IL1RAPL2: variants seen among roughly 807,000 people sequenced by gnomAD.
The protein encoded by IL1RAPL2 is interleukin 1 receptor accessory protein like 2, also known as X-linked interleukin-1 receptor accessory protein-like 2.
A neutral mutation model predicts 44.1 loss-of-function variants in IL1RAPL2; 3 were observed. The ratio of observed to expected loss-of-function variants is 0.07; its 90% CI spans 0.03 to 0.18. The LOEUF is 0.18. IL1RAPL2 is among the 10% of genes least tolerant of loss of function. IL1RAPL2 has a pLI of 1.00. For synonymous variants in IL1RAPL2, 181 were observed against 178.8 expected (o/e 1.01, Z -0.10); for missense variants, 391 against 496.4 (o/e 0.79, Z 2.02).
At chrX:104,637,112 G>A (rs1473974016) in intron 1 of IL1RAPL2, among the ~76,000 whole-genome samples, 1 of 102,177 alleles carries the variant, frequency 9.8e-6, no homozygotes, top group Middle Eastern at 4.5e-3. Context: ...TAACATTTTT[G>A]TTTCTTTCTT....
intron 2 of IL1RAPL2, among the ~76,000 whole-genome samples, chrX:104,873,536 C>T (rs773811138): frequency 9.0e-6 from 1 of 111,671 alleles, no homozygotes; most frequent in Non-Finnish European, 1.9e-5. Flanking sequence ...AGGTTGACTG[C>T]AGCTCTGCTC....
chrX:104,635,776 C>T (rs1269922357), intron 1 of IL1RAPL2, among the ~76,000 whole-genome samples: 1 of 111,336 alleles, frequency 9.0e-6, no homozygotes, highest in South Asian at 3.8e-4. Context: ...AACTTCTTTG[C>T]CATGGGTTCG....
At chrX:105,390,702 T>C (rs1467031210) in intron 5 of IL1RAPL2, among the ~76,000 whole-genome samples, 1 of 110,814 alleles carries the variant, frequency 9.0e-6, no homozygotes, top group Non-Finnish European at 1.9e-5. Context: ...ATAATAGCCA[T>C]TTCCTAGGGC....
Position 104,566,411 on chromosome X carries a change from A to C in IL1RAPL2, c.-660A>C, listed in dbSNP as rs1217880163. The C allele has an allele frequency of 8.9e-6, 1 of 112,801 alleles. No homozygotes were observed. Among genetic ancestry groups the C allele is most frequent in the Non-Finnish European group, 1.9e-5 (1 of 53,373 alleles). 9.3% of individuals were successfully genotyped at this position (112,801 alleles called of 1,213,427 possible). On this transcript the variant is annotated 5_prime_UTR_variant, in exon 1 of 11. Transcript: ENST00000372582. ...GCACACTGGCTGTAGGGTTCCCGGG[A>C]AAGACTGGAGCAGCGAACAGGAGGG...
At chrX:105,457,459 AC>A (rs1464956908) in intron 5 of IL1RAPL2, among the ~76,000 whole-genome samples, 1 of 109,855 alleles carries the variant, frequency 9.1e-6, no homozygotes, top group Non-Finnish European at 1.9e-5. Flanking sequence ...TTGTCTGTGT[AC>A]ATTTGCCTAT....
At chrX:104,746,776 A>T (rs1932182666) in intron 2 of IL1RAPL2, among the ~76,000 whole-genome samples, 2 of 111,628 alleles carry the variant, frequency 1.8e-5, no homozygotes, top group Non-Finnish European at 3.8e-5. Flanking sequence ...TTTCAGGGGA[A>T]GGACAGAGTG....
At chrX:104,912,806 G>A (rs1924286094) in intron 2 of IL1RAPL2, among the ~76,000 whole-genome samples, 1 of 111,794 alleles carries the variant, frequency 8.9e-6, no homozygotes, top group South Asian at 3.7e-4. Flanking sequence ...AGATCACATA[G>A]CAAGGGTGTG....
At chrX:104,597,363 AAG>A (rs1398371538) in intron 1 of IL1RAPL2, among the ~76,000 whole-genome samples, 1 of 105,811 alleles carries the variant, frequency 9.5e-6, no homozygotes, top group Non-Finnish European at 1.9e-5. Flanking sequence ...AAAAAAAAAA[AAG>A]AGAGAGACAT....
chrX:104,774,187 G>A (rs1195283963), intron 2 of IL1RAPL2, among the ~76,000 whole-genome samples: 1 of 111,813 alleles, frequency 8.9e-6, no homozygotes, highest in Non-Finnish European at 1.9e-5. Context: ...ACAATGAAGT[G>A]GGAGATTATT....
intron 4 of IL1RAPL2, among the ~76,000 whole-genome samples, chrX:105,267,081 G>C (rs781573099): frequency 1.2e-3 from 135 of 111,305 alleles, no homozygotes; most frequent in South Asian, 7.2e-3. Flanking sequence ...TTAAGGTTCT[G>C]CTATACCTCT....
chrX:105,610,782 TTGATAA>T (rs2037329875), intron 6 of IL1RAPL2, among the ~76,000 whole-genome samples: 1 of 112,307 alleles, frequency 8.9e-6, no homozygotes, highest in South Asian at 3.7e-4. Flanking sequence ...TATATACTAC[TTGATAA>T]TGATAATAAA....
At chrX:104,651,446 G>T (rs1043654288) in intron 1 of IL1RAPL2, among the ~76,000 whole-genome samples, 1 of 111,803 alleles carries the variant, frequency 8.9e-6, no homozygotes, top group Non-Finnish European at 1.9e-5. Flanking sequence ...GGCAAACAGA[G>T]TTTTTAAAGG....
At chrX:104,620,464 C>T (rs1415593856) in intron 1 of IL1RAPL2, among the ~76,000 whole-genome samples, 1 of 106,349 alleles carries the variant, frequency 9.4e-6, no homozygotes, top group Non-Finnish European at 1.9e-5. Flanking sequence ...ATGGTGAAAA[C>T]CCGTCTCTAC....
At chrX:104,845,356 T>C (rs1922022409) in intron 2 of IL1RAPL2, among the ~76,000 whole-genome samples, 1 of 112,267 alleles carries the variant, frequency 8.9e-6, no homozygotes, top group South Asian at 3.7e-4. Context: ...ATGTCATCAG[T>C]GGTATCAAAC....
chrX:105,665,753 T>TTTTG (rs2037759802), intron 6 of IL1RAPL2, among the ~76,000 whole-genome samples: 1 of 69,307 alleles, frequency 1.4e-5, no homozygotes. Flanking sequence ...TTTTTTTTTT[T>TTTTG]TTGTTGTTGT....
chrX:104,709,347 A>G (rs1931414179), intron 2 of IL1RAPL2, among the ~76,000 whole-genome samples: 1 of 111,414 alleles, frequency 9.0e-6, no homozygotes, highest in Non-Finnish European at 1.9e-5. Flanking sequence ...AGTAATTTCT[A>G]TAAGTAAAAA....
intron 7 of IL1RAPL2, among the ~76,000 whole-genome samples, chrX:105,730,523 A>G (rs2038397581): frequency 9.0e-6 from 1 of 111,716 alleles, no homozygotes; most frequent in Admixed American, 9.5e-5. Context: ...GATCTAATAG[A>G]CAATTGCAGA....
chrX:104,826,544 T>A (rs1259028119), intron 2 of IL1RAPL2, among the ~76,000 whole-genome samples: 1 of 111,660 alleles, frequency 9.0e-6, no homozygotes, highest in Non-Finnish European at 1.9e-5. Context: ...ATATGGTCAA[T>A]TTTAGAATAA....
intron 2 of IL1RAPL2, among the ~76,000 whole-genome samples, chrX:105,193,895 A>G (rs1415720813): frequency 8.9e-6 from 1 of 111,921 alleles, no homozygotes; most frequent in Non-Finnish European, 1.9e-5. Context: ...TTCACATACT[A>G]TAAGAGGAGT....
Sources: allele counts gnomAD v4.1 joint callset (sites outside exome capture counted in the v4.1 genomes callset), GRCh38; gene constraint gnomAD v4.1.1; transcripts MANE v1.5; gene names NCBI Gene and HGNC (gene_info 2026-07-23, HGNC 2026-07-21).